NT5M: variants seen among roughly 807,000 people sequenced by gnomAD.
The protein encoded by NT5M is 5'(3')-deoxyribonucleotidase, mitochondrial.
Under a neutral mutation model 22.2 loss-of-function variants are expected in NT5M, and 22 were observed. The ratio of observed to expected loss-of-function variants is 0.99; its 90% CI spans 0.71 to 1.41. NT5M has a LOEUF of 1.41. Ranked by LOEUF, NT5M falls within the 40% of genes most tolerant of loss-of-function variation. The probability of loss-of-function intolerance (pLI) is 0.00; values close to 1 mark genes in which losing one functional copy is unlikely to be tolerated. For missense variants in NT5M, 322 were observed against 314.8 expected (o/e 1.02, Z -0.17); for synonymous variants, 167 against 133.0 (o/e 1.26, Z -1.76).
intron 3 of NT5M, among the ~76,000 whole-genome samples, chr17:17,325,844 C>T (rs2049255383): frequency 6.6e-6 from 1 of 152,196 alleles, no homozygotes. Flanking sequence ...GAAGTCTCCC[C>T]ACATTTCGTG....
intron 3 of NT5M, among the ~76,000 whole-genome samples, chr17:17,333,360 G>A (rs2049427724): frequency 6.6e-6 from 1 of 152,022 alleles, no homozygotes; most frequent in African/African-American, 2.4e-5. Context: ...CTGAAGTACA[G>A]TGGCATGATC....
At chr17:17,305,388 A>T (rs1172071558) in intron 1 of NT5M, among the ~76,000 whole-genome samples, 1 of 87,606 alleles carries the variant, frequency 1.1e-5, no homozygotes, top group Admixed American at 1.2e-4. Flanking sequence ...TGTGGTTAAA[A>T]CAACCGCCCC....
chr17:17,335,664 G>A (rs971305780), intron 3 of NT5M, among the ~76,000 whole-genome samples: 6 of 150,842 alleles, frequency 4.0e-5, no homozygotes, highest in African/African-American at 1.5e-4. Flanking sequence ...ATGGAGTCTT[G>A]CTCTGTCACT....
intron 2 of NT5M, among the ~76,000 whole-genome samples, chr17:17,311,472 T>C (rs558257960): frequency 6.6e-6 from 1 of 152,320 alleles, no homozygotes; most frequent in East Asian, 1.9e-4. Context: ...GTTGTCCCAG[T>C]TTCATTTATT....
rs1054717209 is a variant in NT5M at position 17,313,376 on chromosome 17, G to A, written c.368+6733G>A. Among the ~76,000 whole-genome samples, 6 of 152,322 alleles carry A rather than the reference G, an allele frequency of 3.9e-5. No individual in the cohort carries two copies. In the East Asian group the frequency reaches 1.2e-3, roughly 29 times the overall value. ...TTTGCAGAAATTCCCGTTTGGGAAT[G>A]CAAATCTAGACCATACCCAGTGGTC... On this transcript the variant is annotated intron_variant, in intron 2 of 4. Transcript: ENST00000389022.
intron 2 of NT5M, among the ~76,000 whole-genome samples, chr17:17,318,895 G>A (rs1351092920): frequency 1.3e-5 from 2 of 151,096 alleles, no homozygotes; most frequent in Non-Finnish European, 2.9e-5. Context: ...AGAAGGCCAC[G>A]TATTGTAGGA....
At chr17:17,316,392 C>T (rs1257522763) in intron 2 of NT5M, among the ~76,000 whole-genome samples, 4 of 82,520 alleles carry the variant, frequency 4.8e-5, no homozygotes, top group African/African-American at 1.1e-4. Context: ...TTTATTTATT[C>T]GAGACAGAGT....
intron 3 of NT5M, among the ~76,000 whole-genome samples, chr17:17,339,943 C>A (rs935578409): frequency 6.6e-6 from 1 of 151,754 alleles, no homozygotes; most frequent in East Asian, 1.9e-4. Context: ...GTTTTCTTTT[C>A]TTTTTTTCAA....
intron 3 of NT5M, among the ~76,000 whole-genome samples, chr17:17,336,631 A>G (rs1597794887): frequency 6.7e-6 from 1 of 149,526 alleles, no homozygotes; most frequent in African/African-American, 2.5e-5. Context: ...ACTCACTGCA[A>G]CCTCCGCCTC....
chr17:17,305,720 C>A (rs1224669281), intron 1 of NT5M, among the ~76,000 whole-genome samples: 1 of 152,032 alleles, frequency 6.6e-6, no homozygotes, highest in South Asian at 2.1e-4. Context: ...AGATGTGTCT[C>A]CCCTCTGGTT....
chr17:17,341,096 T>G (rs1254039692), intron 3 of NT5M, among the ~76,000 whole-genome samples: 2 of 152,202 alleles, frequency 1.3e-5, no homozygotes, highest in African/African-American at 4.8e-5. Flanking sequence ...GAGCATGTTG[T>G]TTAATGTCTC....
At chr17:17,316,635 C>T (rs926402879) in intron 2 of NT5M, among the ~76,000 whole-genome samples, 5 of 152,074 alleles carry the variant, frequency 3.3e-5, no homozygotes, top group East Asian at 1.9e-4. Context: ...CTCGGCCTCC[C>T]GAAGTGCTGG....
chr17:17,323,275 T>C (rs753447102), intron 3 of NT5M, 30 bp downstream of exon 3: 8 of 1,589,036 alleles, frequency 5.0e-6, no homozygotes, highest in Admixed American at 3.3e-5. Flanking sequence ...AGCTGAGCCC[T>C]TACCCCATGC....
intron 3 of NT5M, among the ~76,000 whole-genome samples, chr17:17,331,040 C>G (rs898103772): frequency 6.6e-6 from 1 of 151,756 alleles, no homozygotes; most frequent in African/African-American, 2.4e-5. Context: ...CTGGACCCGG[C>G]CTTCTTTGCA....
chr17:17,317,390 G>T (rs1270313680), intron 2 of NT5M, among the ~76,000 whole-genome samples: 2 of 152,164 alleles, frequency 1.3e-5, no homozygotes, highest in Non-Finnish European at 1.5e-5. Context: ...AATGAATTTG[G>T]ATAGACATTT....
At chr17:17,330,293 G>A (rs1468274857) in intron 3 of NT5M, among the ~76,000 whole-genome samples, 2 of 130,614 alleles carry the variant, frequency 1.5e-5, no homozygotes, top group East Asian at 2.4e-4. Flanking sequence ...GTCAGACTCC[G>A]TCTCAAAAAA....
chr17:17,333,225 C>G (rs2049424705), intron 3 of NT5M, among the ~76,000 whole-genome samples: 1 of 152,188 alleles, frequency 6.6e-6, no homozygotes, highest in East Asian at 1.9e-4. Context: ...TTTAGATATG[C>G]TAGAAACAAG....
Position 17,346,974 on chromosome 17 carries a change from T to G in NT5M, c.*27T>G. On this transcript the variant is annotated 3_prime_UTR_variant, in exon 5 of 5. Coordinates refer to ENST00000389022, the MANE Select transcript of NT5M (RefSeq NM_020201.4). ...CTGGACTGTGCTTCGGGCTCCTCTG[T>G]GGGGCTCTGACCTCAGGGCTCCCAG... The G allele has an allele frequency of 6.2e-7, 1 of 1,608,192 alleles. No homozygotes were observed.
intron 2 of NT5M, among the ~76,000 whole-genome samples, chr17:17,318,356 TGTAATCCCAGCTACTTG>T (rs2049076555): frequency 6.6e-6 from 1 of 151,828 alleles, no homozygotes; most frequent in African/African-American, 2.4e-5. Context: ...GGCAGGCACC[TGTAATCCCAGCTACTTG>T]GGAGGCTGAC....
Sources: gnomAD v4.1 joint callset for allele counts (sites outside exome capture counted in the v4.1 genomes callset) on GRCh38, gnomAD v4.1.1 for gene constraint, MANE v1.5 for transcripts, NCBI Gene and HGNC (gene_info 2026-07-23, HGNC 2026-07-21) for gene names.